Variants in SCN8A observed in about 807,000 individuals in gnomAD.
SCN8A encodes sodium channel protein type 8 subunit alpha.
SCN8A carries 30 observed loss-of-function variants against 184.1 expected under a neutral mutation model. The observed-to-expected ratio is 0.16, with a 90% CI of 0.12 to 0.22. SCN8A has a LOEUF of 0.22. SCN8A is among the 10% of genes least tolerant of loss of function. SCN8A has a pLI of 1.00. For missense variants in SCN8A, 1,057 were observed against 2,498.9 expected, an observed-to-expected ratio of 0.42 and a Z score of 12.30; for synonymous variants, 852 against 907.0, an observed-to-expected ratio of 0.94 and a Z score of 1.09.
chr12:51,746,147 T>C (rs1205214549), intron 13 of SCN8A, 112 bp downstream of exon 13: 19 of 1,012,632 alleles, frequency 1.9e-5, no homozygotes, highest in Non-Finnish European at 2.6e-5. Context: ...CTCTGAGCTT[T>C]AGGAATGGAA....
At chr12:51,691,196 G>A (rs1381156094) in intron 6 of SCN8A, among the ~76,000 whole-genome samples, 1 of 152,020 alleles carries the variant, frequency 6.6e-6, no homozygotes, top group Non-Finnish European at 1.5e-5. Flanking sequence ...ACTCTGCAAG[G>A]CATCTGTCTC....
intron 2 of SCN8A, among the ~76,000 whole-genome samples, chr12:51,672,257 C>T (rs1397263926): frequency 2.6e-5 from 4 of 152,154 alleles, no homozygotes; most frequent in Non-Finnish European, 4.4e-5. Context: ...ACCCACTCCT[C>T]CATCCTTGAA....
At chr12:51,651,059 A>T (rs1277705596) in intron 1 of SCN8A, among the ~76,000 whole-genome samples, 3 of 152,242 alleles carry the variant, frequency 2.0e-5, no homozygotes, top group Non-Finnish European at 4.4e-5. Context: ...CAGATTGCTC[A>T]TGCTATTGTT....
At chr12:51,655,702 A>C (rs1445051516) in intron 1 of SCN8A, among the ~76,000 whole-genome samples, 1 of 152,166 alleles carries the variant, frequency 6.6e-6, no homozygotes, top group Admixed American at 6.5e-5. Flanking sequence ...CCTCCTGGAC[A>C]ACCAAAAGAA....
intron 11 of SCN8A, among the ~76,000 whole-genome samples, chr12:51,716,722 G>T (rs543974234): frequency 1.3e-5 from 2 of 152,246 alleles, no homozygotes; most frequent in African/African-American, 4.8e-5. Flanking sequence ...ATATTTCTCC[G>T]CAGTGACGCC....
Position 51,721,833 on chromosome 12 carries a change from C to A in SCN8A, c.1923C>A (p.Ser641Arg), listed in dbSNP as rs749060752. 1 of 1,605,822 alleles carries A rather than the reference C, an allele frequency of 6.2e-7. No homozygotes were observed. The highest frequency in any genetic ancestry group is 1.7e-5 in the Admixed American group (1 of 60,016). The change falls in exon 12 of 27, where the codon AGC (serine) becomes AGA (arginine). Residue 641 changes from serine to arginine, a missense_variant. Coordinates refer to ENST00000627620, the MANE Select transcript of SCN8A (RefSeq NM_001330260.2). The part of the protein sequence containing the change: ...PSLRRSVKRN[S>R]TVDCNGVVSL... ...TGCGGCGCAGCGTGAAGCGCAACAG[C>A]ACGGTGGACTGCAACGGCGTGGTGT...
chr12:51,614,742 C>T (rs12320663), intron 1 of SCN8A, among the ~76,000 whole-genome samples: 263 of 149,196 alleles, frequency 1.8e-3, no homozygotes, highest in African/African-American at 6.0e-3. Context: ...TTACATTTAT[C>T]GTATTTAATG....
At chr12:51,773,117 CAAA>C (rs555971067) in intron 19 of SCN8A, among the ~76,000 whole-genome samples, 2 of 134,464 alleles carry the variant, frequency 1.5e-5, no homozygotes, top group Non-Finnish European at 1.6e-5. Flanking sequence ...ACTCCGTCTC[CAAA>C]AAAAAAAAAA....
At chr12:51,697,878 T>G (rs982645923) in intron 6 of SCN8A, among the ~76,000 whole-genome samples, 5 of 152,374 alleles carry the variant, frequency 3.3e-5, no homozygotes, top group Non-Finnish European at 7.3e-5. Flanking sequence ...AGACGGAGTC[T>G]CGCTCTGTTG....
At chr12:51,693,060 G>A (rs1389056816) in intron 6 of SCN8A, among the ~76,000 whole-genome samples, 1 of 152,138 alleles carries the variant, frequency 6.6e-6, no homozygotes, top group East Asian at 1.9e-4. Context: ...CTCCTAACCA[G>A]TGGGATCAGA....
chr12:51,764,221 T>TG (rs1309370432), intron 15 of SCN8A, among the ~76,000 whole-genome samples: 2 of 152,256 alleles, frequency 1.3e-5, no homozygotes, highest in Non-Finnish European at 2.9e-5. Flanking sequence ...ATTGTGCTGT[T>TG]GCCTTCTACC....
chr12:51,597,623 G>C (rs1643782548), intron 1 of SCN8A, among the ~76,000 whole-genome samples: 1 of 152,136 alleles, frequency 6.6e-6, no homozygotes, highest in South Asian at 2.1e-4. Flanking sequence ...GATAAAGGAA[G>C]AGATGGCAAC....
intron 19 of SCN8A, among the ~76,000 whole-genome samples, chr12:51,772,175 C>T (rs901017359): frequency 1.1e-4 from 16 of 152,118 alleles, no homozygotes; most frequent in African/African-American, 3.6e-4. Flanking sequence ...ACGTGCGGAT[C>T]ACCTGAGGTT....
chr12:51,622,922 T>C (rs928242325), intron 1 of SCN8A, among the ~76,000 whole-genome samples: 1 of 152,212 alleles, frequency 6.6e-6, no homozygotes, highest in Admixed American at 6.5e-5. Context: ...TATGGACTTG[T>C]ATTTATTTTA....
intron 18 of SCN8A, 195 bp downstream of exon 18, chr12:51,770,180 C>G (rs900127582): frequency 8.5e-6 from 5 of 589,448 alleles, no homozygotes; most frequent in Non-Finnish European, 1.5e-5. Flanking sequence ...AGTTTCTATT[C>G]TCACACTTTT....
intron 1 of SCN8A, among the ~76,000 whole-genome samples, chr12:51,604,440 T>A (rs986383265): frequency 6.6e-6 from 1 of 152,148 alleles, no homozygotes; most frequent in Non-Finnish European, 1.5e-5. Flanking sequence ...GTCTGCGCCT[T>A]CCTCAATACC....
At chr12:51,671,463 C>T (rs1424868669) in intron 2 of SCN8A, among the ~76,000 whole-genome samples, 1 of 152,180 alleles carries the variant, frequency 6.6e-6, no homozygotes, top group Non-Finnish European at 1.5e-5. Context: ...TAGCCAGTCA[C>T]CTCAGCCATA....
chr12:51,701,544 A>G (rs1941687710), intron 8 of SCN8A, among the ~76,000 whole-genome samples: 1 of 152,166 alleles, frequency 6.6e-6, no homozygotes, highest in African/African-American at 2.4e-5. Context: ...ATGGTTATGG[A>G]TCCAAGGATG....
intron 12 of SCN8A, among the ~76,000 whole-genome samples, chr12:51,739,773 G>A (rs12231593): frequency 0.061 from 9,274 of 152,154 alleles, 700 homozygotes; most frequent in East Asian, 0.39. Context: ...AGACCAGCTC[G>A]GTCAGGGAGA....
Sources: gnomAD v4.1 joint callset for allele counts (sites outside exome capture counted in the v4.1 genomes callset) on GRCh38, gnomAD v4.1.1 for gene constraint, MANE v1.5 for transcripts, NCBI Gene and HGNC (gene_info 2026-07-23, HGNC 2026-07-21) for gene names.